IPO5: variants seen among roughly 807,000 people sequenced by gnomAD.
IPO5 encodes importin-5.
IPO5 carries 18 observed loss-of-function variants against 143.3 expected under a neutral mutation model. That is an observed-to-expected ratio of 0.13 (90% CI 0.09 to 0.19). The LOEUF (loss-of-function observed/expected upper bound fraction) is 0.19. Among genes scored for constraint, IPO5 ranks in the 10% least tolerant of loss-of-function variants. IPO5 has a pLI of 1.00. For missense variants in IPO5, 1,013 were observed against 1,336.9 expected (o/e 0.76, Z 3.78); for synonymous variants, 477 against 465.7 (o/e 1.02, Z -0.31).
At chr13:97,981,206 G>T (rs1409929385) in intron 4 of IPO5, 1 of 451,520 alleles carries the variant, frequency 2.2e-6, no homozygotes, top group East Asian at 7.0e-5. Context: ...AGAAGATCTT[G>T]AATTCTCCTT....
Position 97,993,152 on chromosome 13 carries a change from T to G in IPO5, c.840T>G (p.Leu280=). ...ACAATATGCAACGCCAGCTTGCCCTTGAAGTGATCGTCACCCTCTCTGAGA... is the reference window on the plus strand; with the variant it reads ...ACAATATGCAACGCCAGCTTGCCCTGGAAGTGATCGTCACCCTCTCTGAGA... ...SLNNMQRQLA[L]EVIVTLSETA... The change falls in exon 11 of 29, where the codon CTT becomes CTG. Residue 280 remains leucine, a synonymous_variant. Coordinates refer to ENST00000651721, the MANE Select transcript of IPO5 (RefSeq NM_002271.6). 1 of 1,614,062 alleles carries G rather than the reference T, an allele frequency of 6.2e-7. No individual in the cohort carries two copies. Among genetic ancestry groups the G allele is most frequent in the Non-Finnish European group, 8.5e-7 (1 of 1,179,910 alleles).
At chr13:98,013,959 C>T in intron 21 of IPO5, 83 bp from the exon 22 acceptor site, 7 of 1,210,032 alleles carry the variant, frequency 5.8e-6, no homozygotes, top group South Asian at 1.6e-5. Flanking sequence ...CAGAAGTTGC[C>T]TAGCACTCCT....
rs531918639 is a variant in IPO5 at position 97,960,984 on chromosome 13, C to G, written c.-113+6786C>G. Among the ~76,000 whole-genome samples the G allele has an allele frequency of 3.3e-4, 51 of 152,246 alleles. No individual in the cohort carries two copies. In the South Asian group the frequency reaches 0.01, roughly 30 times the overall value. On this transcript the variant is annotated intron_variant, in intron 2 of 28. Transcript: ENST00000651721. ...ATACCTGCTAGCACTCACTGATTCC[C>G]CTACCCACCCCATGCCCAGGCACAT...
At chr13:98,000,221 C>T (rs1039403101) in intron 12 of IPO5, among the ~76,000 whole-genome samples, 2 of 151,792 alleles carry the variant, frequency 1.3e-5, no homozygotes, top group African/African-American at 4.8e-5. Flanking sequence ...GGAGGCGGAG[C>T]TTGCAGTGAG....
At chr13:97,966,125 C>G (rs948335625) in intron 2 of IPO5, among the ~76,000 whole-genome samples, 5 of 131,094 alleles carry the variant, frequency 3.8e-5, no homozygotes, top group African/African-American at 1.1e-4. Flanking sequence ...CAGAGCAAGG[C>G]CCCCTCTCAA....
At chr13:97,955,486 G>A (rs1039761741) in intron 2 of IPO5, among the ~76,000 whole-genome samples, 31 of 152,058 alleles carry the variant, frequency 2.0e-4, no homozygotes, top group African/African-American at 7.5e-4. Context: ...AAATGAGCGG[G>A]GAAAACACTT....
At chr13:97,966,748 T>G (rs542695956) in intron 2 of IPO5, among the ~76,000 whole-genome samples, 1 of 152,264 alleles carries the variant, frequency 6.6e-6, no homozygotes, top group East Asian at 1.9e-4. Context: ...CTTTTAAAAT[T>G]ACTAATTCAG....
At chr13:98,019,539 A>C (rs1255806591) in intron 26 of IPO5, 42 bp from the exon 27 acceptor site, 4 of 1,314,086 alleles carry the variant, frequency 3.0e-6, no homozygotes, top group Non-Finnish European at 4.4e-6. Context: ...TTGCATGAAA[A>C]TGTGAGGTTT....
intron 11 of IPO5, 138 bp downstream of exon 11, chr13:97,993,363 C>G: frequency 1.4e-6 from 1 of 714,280 alleles, no homozygotes; most frequent in Non-Finnish European, 2.3e-6. Flanking sequence ...TGGGAAAATG[C>G]ATCTCAATAC....
intron 5 of IPO5, among the ~76,000 whole-genome samples, chr13:97,983,376 A>G (rs1431769576): frequency 6.6e-6 from 1 of 152,140 alleles, no homozygotes; most frequent in Non-Finnish European, 1.5e-5. Context: ...TTTCTAGAAT[A>G]TTTTATTAGA....
intron 4 of IPO5, among the ~76,000 whole-genome samples, chr13:97,978,687 A>G (rs1179608010): frequency 6.6e-6 from 1 of 152,180 alleles, no homozygotes; most frequent in Non-Finnish European, 1.5e-5. Context: ...GCAGAACAGC[A>G]TTGTAATTAG....
intron 4 of IPO5, among the ~76,000 whole-genome samples, chr13:97,979,324 GTTGAAATCA>G (rs1886650641): frequency 6.6e-6 from 1 of 152,138 alleles, no homozygotes; most frequent in Non-Finnish European, 1.5e-5. Context: ...TATATATTTG[GTTGAAATCA>G]TTGAAGAGAC....
In IPO5 at chr13:98,012,733, C is replaced by T. The variant is rs143518685; in HGVS notation, c.2152+391C>T. Among the ~76,000 whole-genome samples the T allele has an allele frequency of 7.3e-5, 11 of 151,344 alleles. No individual in the cohort carries two copies. In the East Asian group the frequency reaches 1.8e-3, roughly 24 times the overall value. On this transcript the variant is annotated intron_variant, in intron 21 of 28. Coordinates refer to ENST00000651721, the MANE Select transcript of IPO5 (RefSeq NM_002271.6). ...CTGGAGTGCAGTGGCGTGATCAGGA[C>T]GCACTGAAACCACAACTTCCCAAGT...
intron 12 of IPO5, among the ~76,000 whole-genome samples, chr13:97,999,481 T>G (rs573293311): frequency 7.2e-5 from 11 of 152,344 alleles, no homozygotes; most frequent in African/African-American, 2.6e-4. Context: ...AAACTTTGTT[T>G]TCTAAACTAG....
intron 12 of IPO5, among the ~76,000 whole-genome samples, chr13:97,998,734 G>A (rs1888509585): frequency 6.6e-6 from 1 of 152,180 alleles, no homozygotes; most frequent in Non-Finnish European, 1.5e-5. Context: ...GTTGCAGAAA[G>A]GGAGATTGAA....
chr13:98,022,383 T>C lies in IPO5; in HGVS notation c.*561T>C, dbSNP rs949792979. On this transcript the variant is annotated 3_prime_UTR_variant, in exon 29 of 29. Transcript: ENST00000651721. ...CCAGAAGGCTTATACAGTGACTCAG[T>C]CGGGAAGCTTTCCAGCTTCCAGCCC... is the stretch of plus-strand genomic sequence containing the variant. 6.6e-6 allele frequency: 1 copy of C among 152,602 alleles called. No individual in the cohort carries two copies. Among genetic ancestry groups the C allele is most frequent in the African/African-American group, 2.4e-5 (1 of 41,460 alleles). The allele number at this position is 152,602 out of a possible 1,614,324, so 9.5% of individuals were successfully genotyped here.
At chr13:97,974,676 C>T (rs1365526198) in intron 3 of IPO5, among the ~76,000 whole-genome samples, 1 of 107,676 alleles carries the variant, frequency 9.3e-6, no homozygotes, top group Non-Finnish European at 1.8e-5. Context: ...GATACCCCAA[C>T]GACCCACAAA....
At position 98,021,256 on chromosome 13, in the gene IPO5, C is replaced by G. The variant is rs1266750976; in HGVS notation, c.3207+123C>G. ...TTTTATTTTTATATTTTCATAGTCT[C>G]TTGTCTCCAAGCCTCAAATGGATTA... is the stretch of plus-strand genomic sequence containing the variant. On this transcript the variant is annotated intron_variant, in intron 28 of 28. Coordinates refer to ENST00000651721, the MANE Select transcript of IPO5 (RefSeq NM_002271.6). The G allele has an allele frequency of 1.1e-5, 9 of 822,250 alleles. No individual in the cohort carries two copies. In the East Asian group the frequency reaches 1.1e-4, roughly 10 times the overall value. 50.9% of individuals were successfully genotyped at this position (822,250 alleles called of 1,614,324 possible). A position where few individuals can be genotyped will look rare whatever the true frequency, so the allele number is the denominator to read the frequency against.
chr13:97,980,216 CTG>C (rs1436564971), intron 4 of IPO5, among the ~76,000 whole-genome samples: 1 of 152,200 alleles, frequency 6.6e-6, no homozygotes, highest in African/African-American at 2.4e-5. Flanking sequence ...CCATCCCTGT[CTG>C]TGTGGAACTT....
Sources: gnomAD v4.1 joint callset for allele counts (sites outside exome capture counted in the v4.1 genomes callset) on GRCh38, gnomAD v4.1.1 for gene constraint, MANE v1.5 for transcripts, NCBI Gene and HGNC (gene_info 2026-07-23, HGNC 2026-07-21) for gene names.